Variants in CSMD1 observed in about 807,000 individuals in gnomAD.
The protein encoded by CSMD1 is CUB and Sushi multiple domains 1.
CSMD1 carries 213 observed loss-of-function variants against 417.5 expected under a neutral mutation model. That is an observed-to-expected ratio of 0.51 (90% CI 0.46 to 0.57). CSMD1 has a LOEUF of 0.57. Ranked by LOEUF, CSMD1 falls within the 20% of genes least tolerant of loss-of-function variation. The probability of loss-of-function intolerance (pLI) is 0.00; values close to 1 mark genes in which losing one functional copy is unlikely to be tolerated. For synonymous variants in CSMD1, 2,862 were observed against 1,736.8 expected, an observed-to-expected ratio of 1.65 and a Z score of -16.11; for missense variants, 6,923 against 4,529.7, an observed-to-expected ratio of 1.53 and a Z score of -15.17.
At chr8:3,415,885 T>G (rs896687222) in intron 12 of CSMD1, among the ~76,000 whole-genome samples, 26 of 152,332 alleles carry the variant, frequency 1.7e-4, no homozygotes, top group Non-Finnish European at 3.7e-4. Flanking sequence ...TTCATGAGAA[T>G]AAGTGAGATT....
chr8:3,970,007 G>A (rs1021762492), intron 5 of CSMD1, among the ~76,000 whole-genome samples: 1 of 152,130 alleles, frequency 6.6e-6, no homozygotes, highest in Non-Finnish European at 1.5e-5. Flanking sequence ...CAGTAATTTG[G>A]CAATAATTCT....
Position 4,155,276 on chromosome 8 carries a change from G to C in CSMD1, c.416-123177C>G, listed in dbSNP as rs1407463261. Among the ~76,000 whole-genome samples the C allele has an allele frequency of 3.9e-5, 6 of 152,294 alleles. No homozygotes were observed. The East Asian group carries it at 9.7e-4, about 25-fold the overall frequency. ...CAGAGAGGTGAATAAGTCCGGGTGT[G>C]AATTAGGGGGTGGAGCAGCAAGATC... On this transcript the variant is annotated intron_variant, in intron 3 of 69. Coordinates refer to ENST00000635120, the MANE Select transcript of CSMD1 (RefSeq NM_033225.6).
At chr8:3,478,604 C>T (rs758282079) in intron 11 of CSMD1, among the ~76,000 whole-genome samples, 2 of 152,166 alleles carry the variant, frequency 1.3e-5, no homozygotes, top group Non-Finnish European at 2.9e-5. Context: ...CAGAAGGCCA[C>T]TCCGACTTGC....
At chr8:4,914,410 A>G in intron 1 of CSMD1, among the ~76,000 whole-genome samples, 1 of 151,908 alleles carries the variant, frequency 6.6e-6, no homozygotes, top group East Asian at 1.9e-4. Context: ...CTCCGTCTCC[A>G]CTAAAAAATA....
intron 5 of CSMD1, among the ~76,000 whole-genome samples, chr8:3,890,754 G>C (rs139850885): frequency 4.1e-4 from 63 of 152,300 alleles, no homozygotes; most frequent in African/African-American, 1.3e-3. Context: ...TGGCTCTGTT[G>C]TCTGTGCTAA....
intron 3 of CSMD1, among the ~76,000 whole-genome samples, chr8:4,113,727 A>G (rs1801982826): frequency 6.6e-6 from 1 of 152,164 alleles, no homozygotes; most frequent in African/African-American, 2.4e-5. Context: ...TAAGTGCATG[A>G]ATGAGAAGAA....
At chr8:3,545,913 T>C (rs1045673471) in intron 10 of CSMD1, among the ~76,000 whole-genome samples, 4 of 152,138 alleles carry the variant, frequency 2.6e-5, no homozygotes, top group Non-Finnish European at 5.9e-5. Context: ...AGTGAATGCA[T>C]AGTGGGGAAT....
intron 5 of CSMD1, among the ~76,000 whole-genome samples, chr8:3,835,062 G>C (rs143763009): frequency 6.6e-6 from 1 of 151,488 alleles, no homozygotes; most frequent in Non-Finnish European, 1.5e-5. Context: ...AAAAAGTCAG[G>C]AAACAACAGG....
chr8:3,733,841 C>G (rs1404377104), intron 6 of CSMD1, among the ~76,000 whole-genome samples: 2 of 152,096 alleles, frequency 1.3e-5, no homozygotes, highest in South Asian at 2.1e-4. Context: ...TATTGTTTAT[C>G]TCATATGTGC....
intron 2 of CSMD1, among the ~76,000 whole-genome samples, chr8:4,510,696 T>A (rs141276983): frequency 8.6e-4 from 118 of 136,472 alleles, no homozygotes; most frequent in African/African-American, 3.0e-3. Flanking sequence ...TCCTTCCCCT[T>A]TCCCTTCCTT....
intron 1 of CSMD1, among the ~76,000 whole-genome samples, chr8:4,843,559 T>C (rs948532610): frequency 1.3e-5 from 2 of 152,132 alleles, no homozygotes; most frequent in African/African-American, 4.8e-5. Flanking sequence ...AAAGGCCCAA[T>C]CTAAAGGTAC....
intron 3 of CSMD1, among the ~76,000 whole-genome samples, chr8:4,281,220 T>C (rs1022752508): frequency 3.9e-5 from 6 of 152,132 alleles, no homozygotes; most frequent in African/African-American, 1.4e-4. Context: ...TGGAAAATAC[T>C]TTGCTACCTT....
intron 23 of CSMD1, among the ~76,000 whole-genome samples, chr8:3,316,033 A>G (rs778926313): frequency 2.6e-5 from 4 of 152,178 alleles, no homozygotes; most frequent in Non-Finnish European, 4.4e-5. Context: ...TTTTTTTACC[A>G]CTATGCACGT....
chr8:4,182,484 G>T (rs555777078), intron 3 of CSMD1, among the ~76,000 whole-genome samples: 1 of 152,078 alleles, frequency 6.6e-6, no homozygotes, highest in African/African-American at 2.4e-5. Context: ...AATCAAATAA[G>T]ATACGTCACA....
chr8:4,880,128 T>C (rs1034489039), intron 1 of CSMD1, among the ~76,000 whole-genome samples: 1 of 152,232 alleles, frequency 6.6e-6, no homozygotes, highest in African/African-American at 2.4e-5. Flanking sequence ...ACTCTGCCAC[T>C]TTCTGCTGGA....
chr8:3,539,986 T>C (rs1384652773), intron 10 of CSMD1, among the ~76,000 whole-genome samples: 3 of 152,188 alleles, frequency 2.0e-5, no homozygotes, highest in Admixed American at 6.5e-5. Flanking sequence ...TTCTAAAGCC[T>C]GCTTATATTT....
At chr8:3,711,582 G>A (rs1801512347) in intron 6 of CSMD1, among the ~76,000 whole-genome samples, 1 of 152,174 alleles carries the variant, frequency 6.6e-6, no homozygotes, top group Non-Finnish European at 1.5e-5. Context: ...CTTCATGTGT[G>A]TGTTTTCTCA....
Position 3,308,252 on chromosome 8 carries a change from A to T in CSMD1, c.3823+60T>A, listed in dbSNP as rs1326617022. 3.8e-6 allele frequency: 5 copies of T among 1,324,952 alleles called. No individual in the cohort carries two copies. In the East Asian group the frequency reaches 9.4e-5, roughly 25 times the overall value. 82.1% of individuals were successfully genotyped at this position (1,324,952 alleles called of 1,614,324 possible). On this transcript the variant is annotated intron_variant, in intron 24 of 69. Coordinates refer to ENST00000635120, the MANE Select transcript of CSMD1 (RefSeq NM_033225.6). The stretch of plus-strand genomic sequence containing the variant: ...TTCCAATAAAGGAAGTCAATGCAAC[A>T]TGGTGCAAGCACCCTAAGGCCTGGC...
At chr8:3,875,376 C>A (rs1319849727) in intron 5 of CSMD1, among the ~76,000 whole-genome samples, 1 of 152,110 alleles carries the variant, frequency 6.6e-6, no homozygotes, top group Non-Finnish European at 1.5e-5. Context: ...GACGTTTTGG[C>A]GACTTCTGCG....
Sources: allele counts gnomAD v4.1 joint callset (sites outside exome capture counted in the v4.1 genomes callset), GRCh38; gene constraint gnomAD v4.1.1; transcripts MANE v1.5; gene names NCBI Gene and HGNC (gene_info 2026-07-23, HGNC 2026-07-21).